The following SMURF2 variants were observed in gnomAD, a reference collection of about 807,000 sequenced individuals.
SMURF2 encodes E3 ubiquitin-protein ligase SMURF2.
In SMURF2, 48 loss-of-function variants were observed where a neutral mutation model predicts 109.6. The ratio of observed to expected loss-of-function variants is 0.44; its 90% CI spans 0.35 to 0.56. The LOEUF is 0.56. Among genes scored for constraint, SMURF2 ranks in the 20% least tolerant of loss-of-function variants. SMURF2 has a pLI of 0.01. For missense variants in SMURF2, 575 were observed against 909.0 expected, an observed-to-expected ratio of 0.63 and a Z score of 4.72; for synonymous variants, 288 against 317.1, an observed-to-expected ratio of 0.91 and a Z score of 0.97.
chr17:64,609,169 T>C (rs1970010473), intron 1 of SMURF2, among the ~76,000 whole-genome samples: 1 of 152,106 alleles, frequency 6.6e-6, no homozygotes, highest in South Asian at 2.1e-4. Flanking sequence ...ATAGGAAGAA[T>C]CAATATTGTG....
Position 64,547,032 on chromosome 17 carries a change from G to A in SMURF2, c.2071+568C>T, listed in dbSNP as rs1555683154. Among the ~76,000 whole-genome samples the A allele has an allele frequency of 4.6e-5, 7 of 152,242 alleles. No individual in the cohort carries two copies. The stretch of plus-strand genomic sequence containing the variant: ...AGGTAAAGGAAGCAACTGCCACCCA[G>A]TGAAGCACCACAATCATTAGCAATA... On this transcript the variant is annotated intron_variant, in intron 17 of 18. Transcript: ENST00000262435. The surrounding 1 kb of genome is among the most constrained non-coding windows in gnomAD (Gnocchi z 4.2).
chr17:64,629,154 G>A (rs890399441), intron 1 of SMURF2, among the ~76,000 whole-genome samples: 13 of 152,244 alleles, frequency 8.5e-5, no homozygotes, highest in South Asian at 2.1e-4. Flanking sequence ...TAAGAAGGTC[G>A]AAGATGGTTC....
rs183348176 is a variant in SMURF2 at position 64,599,864 on chromosome 17, C to T, written c.92-1374G>A. On this transcript the variant is annotated intron_variant, in intron 2 of 18. Transcript: ENST00000262435. ...GACTTTCCTAGCAAAAGGAAGAGCA[C>T]CAAGGAGGGTATGACAATACAATAT... Among the ~76,000 whole-genome samples the T allele has an allele frequency of 2.0e-5, 3 of 152,164 alleles. No individual in the cohort carries two copies. The East Asian group carries it at 5.8e-4, about 29-fold the overall frequency.
chr17:64,641,123 A>G (rs576839097), intron 1 of SMURF2, among the ~76,000 whole-genome samples: 6 of 152,162 alleles, frequency 3.9e-5, no homozygotes, highest in Admixed American at 3.3e-4. Flanking sequence ...TTTTTTACCA[A>G]TCTGCTTCTC....
At chr17:64,616,247 T>G (rs566823950) in intron 1 of SMURF2, among the ~76,000 whole-genome samples, 1 of 152,196 alleles carries the variant, frequency 6.6e-6, no homozygotes, top group Non-Finnish European at 1.5e-5. Flanking sequence ...ATATTTACTA[T>G]GTGCAAGTGT....
rs1437684509 is a variant in SMURF2 at position 64,542,510 on chromosome 17, G to C, written c.*3338C>G. 1 of 152,140 alleles carries C rather than the reference G, an allele frequency of 6.6e-6. No homozygotes were observed. The highest frequency in any genetic ancestry group is 1.9e-4 in the East Asian group (1 of 5,196). 9.4% of individuals were successfully genotyped at this position (152,140 alleles called of 1,614,324 possible). ...AACTTTGTTTTTAAAGTCAGTCTGA[G>C]AGAAGAATATTACATAAAGTGAACT... On this transcript the variant is annotated 3_prime_UTR_variant, in exon 19 of 19. Transcript: ENST00000262435.
chr17:64,550,199 G>A (rs1262878730), intron 16 of SMURF2, among the ~76,000 whole-genome samples: 1 of 152,300 alleles, frequency 6.6e-6, no homozygotes, highest in Admixed American at 6.5e-5. Context: ...AACCTTTTTA[G>A]ATTTGTTTGC....
intron 16 of SMURF2, among the ~76,000 whole-genome samples, chr17:64,549,502 T>C (rs1196765966): frequency 6.6e-6 from 1 of 151,976 alleles, no homozygotes; most frequent in Non-Finnish European, 1.5e-5. Flanking sequence ...ACGCCTGTAA[T>C]CCTAACAATT....
chr17:64,604,838 GGAGGCT>G (rs782061215), intron 2 of SMURF2, among the ~76,000 whole-genome samples: 1 of 151,948 alleles, frequency 6.6e-6, no homozygotes, highest in Non-Finnish European at 1.5e-5. Context: ...CAGCTACTCA[GGAGGCT>G]GAGGCAGGAG....
At chr17:64,564,658 T>C (rs1285141569) in intron 10 of SMURF2, among the ~76,000 whole-genome samples, 1 of 152,140 alleles carries the variant, frequency 6.6e-6, no homozygotes, top group Non-Finnish European at 1.5e-5. Context: ...AGACAAAGAC[T>C]GGAGCAATTT....
At chr17:64,578,912 G>T (rs1267973895) in intron 8 of SMURF2, among the ~76,000 whole-genome samples, 2 of 152,166 alleles carry the variant, frequency 1.3e-5, no homozygotes, top group Non-Finnish European at 2.9e-5. Context: ...GAAAGAGGCT[G>T]GCCAACATTG....
At chr17:64,648,008 G>A (rs781949208) in intron 1 of SMURF2, among the ~76,000 whole-genome samples, 6 of 119,344 alleles carry the variant, frequency 5.0e-5, no homozygotes, top group African/African-American at 9.5e-5. Context: ...AGTGAGCTAC[G>A]ATCATGCCAC....
At chr17:64,593,266 C>T (rs1969773403) in intron 4 of SMURF2, 174 bp downstream of exon 4, 2 of 351,328 alleles carry the variant, frequency 5.7e-6, no homozygotes, top group Non-Finnish European at 9.1e-6. Flanking sequence ...ATGTTTCAGA[C>T]ATGCACAAGA....
At chr17:64,598,816 A>G (rs1294102826) in intron 2 of SMURF2, among the ~76,000 whole-genome samples, 1 of 152,184 alleles carries the variant, frequency 6.6e-6, no homozygotes, top group Non-Finnish European at 1.5e-5. Flanking sequence ...GGTTACATGA[A>G]TTCTTGTAAC....
At chr17:64,561,426 T>G (rs1352747662) in intron 12 of SMURF2, 74 bp downstream of exon 12, 1 of 952,240 alleles carries the variant, frequency 1.1e-6, no homozygotes, top group East Asian at 2.4e-5. Flanking sequence ...GATGAGAAAG[T>G]TACACCACAG....
At chr17:64,599,291 T>C (rs1372662259) in intron 2 of SMURF2, among the ~76,000 whole-genome samples, 1 of 152,202 alleles carries the variant, frequency 6.6e-6, no homozygotes, top group Non-Finnish European at 1.5e-5. Flanking sequence ...ATCTAAAGTG[T>C]AGATTCTAAA....
chr17:64,597,000 T>C (rs1969827369), intron 3 of SMURF2, among the ~76,000 whole-genome samples: 2 of 152,162 alleles, frequency 1.3e-5, no homozygotes, highest in African/African-American at 4.8e-5. Flanking sequence ...CATAATAATG[T>C]AAACATGGAA....
At position 64,544,195 on chromosome 17, in the gene SMURF2, AGG is replaced by A. The variant is rs564524229; in HGVS notation, c.*1651_*1652del. On this transcript the variant is annotated 3_prime_UTR_variant, in exon 19 of 19. Transcript: ENST00000262435. ...AAGAAAAATGGGCTGTTCTGGGTAA[AGG>A]GGGTGGGGATATGGAGCCTAAGGCC... 9 of 152,158 alleles carry A rather than the reference AGG, an allele frequency of 5.9e-5. No homozygotes were observed. In the South Asian group the frequency reaches 1.9e-3, roughly 32 times the overall value. 9.4% of individuals were successfully genotyped at this position (152,158 alleles called of 1,614,324 possible).
At chr17:64,546,900 C>A (rs146677335) in intron 17 of SMURF2, among the ~76,000 whole-genome samples, 3 of 152,218 alleles carry the variant, frequency 2.0e-5, no homozygotes, top group East Asian at 1.9e-4. Flanking sequence ...GCTCTCCCCC[C>A]AGGGATTTCA....
Sources: allele counts gnomAD v4.1 joint callset (sites outside exome capture counted in the v4.1 genomes callset), GRCh38; gene constraint gnomAD v4.1.1; non-coding constraint Gnocchi (gnomAD v3.1); transcripts MANE v1.5; gene names NCBI Gene and HGNC (gene_info 2026-07-23, HGNC 2026-07-21).